XIRP2: variants seen among roughly 807,000 people sequenced by gnomAD.
XIRP2 encodes the protein xin actin-binding repeat-containing protein 2.
Under a neutral mutation model 277.0 loss-of-function variants are expected in XIRP2, and 236 were observed. That is an observed-to-expected ratio of 0.85 (90% CI 0.77 to 0.95). XIRP2 has a LOEUF of 0.95. Ranked by LOEUF, XIRP2 falls within the 40% of genes least tolerant of loss-of-function variation. The pLI is 0.00. For missense variants in XIRP2, 4,640 were observed against 4,157.5 expected, an observed-to-expected ratio of 1.12 and a Z score of -3.19; for synonymous variants, 1,490 against 1,416.5, an observed-to-expected ratio of 1.05 and a Z score of -1.17.
intron 2 of XIRP2, among the ~76,000 whole-genome samples, chr2:166,988,673 G>A (rs2105443177): frequency 9.0e-6 from 1 of 110,882 alleles, no homozygotes; most frequent in South Asian, 3.6e-4. Context: ...GGGTCAGGGA[G>A]TTCCCTTTCC....
chr2:166,907,699 G>A (rs1275569303), intron 2 of XIRP2, among the ~76,000 whole-genome samples: 1 of 151,032 alleles, frequency 6.6e-6, no homozygotes, highest in Non-Finnish European at 1.5e-5. Context: ...GTGCCGTGTT[G>A]GTGTGCTGCA....
At chr2:167,050,512 A>C (rs1688888789) in intron 2 of XIRP2, among the ~76,000 whole-genome samples, 1 of 152,006 alleles carries the variant, frequency 6.6e-6, no homozygotes, top group Non-Finnish European at 1.5e-5. Context: ...AATCAGGGCT[A>C]TTTTGGCATA....
Position 167,132,511 on chromosome 2 carries a change from T to TACACACACACACACACACACAC in XIRP2, c.409-3381_409-3360dup, listed in dbSNP as rs35636231. Among the ~76,000 whole-genome samples the TACACACACACACACACACACAC allele has an allele frequency of 1.7e-4, 25 of 146,328 alleles. 1 individual carries two copies. Among genetic ancestry groups the TACACACACACACACACACACAC allele is most frequent in the African/African-American group, 3.0e-4 (12 of 39,780 alleles). ...TGATTATGTCATGTGTGCATGTGTA[T>TACACACACACACACACACACAC]ACACACACACACACACACACACACA... On this transcript the variant is annotated intron_variant, in intron 2 of 10. Coordinates refer to ENST00000409195, the MANE Select transcript of XIRP2 (RefSeq NM_152381.6).
intron 3 of XIRP2, among the ~76,000 whole-genome samples, chr2:167,149,475 A>G (rs1431716984): frequency 6.6e-6 from 1 of 152,168 alleles, no homozygotes; most frequent in African/African-American, 2.4e-5. Context: ...TGAACTCTGC[A>G]TACTCTGGGC....
chr2:167,082,498 C>T lies in XIRP2; in HGVS notation c.409-53411C>T, dbSNP rs1274485429. 4.6e-5 allele frequency among the ~76,000 whole-genome samples: 7 copies of T among 151,994 alleles called. No homozygotes were observed. The South Asian group carries it at 6.2e-4, about 14-fold the overall frequency. On this transcript the variant is annotated intron_variant, in intron 2 of 10. Coordinates refer to ENST00000409195, the MANE Select transcript of XIRP2 (RefSeq NM_152381.6). ...GCTGGGTCAAATGGTATTTCTAGTT[C>T]TAGATCCCTGAGGAATCGCCACACT...
intron 2 of XIRP2, among the ~76,000 whole-genome samples, chr2:167,084,392 C>G (rs1477448261): frequency 6.6e-6 from 1 of 151,690 alleles, no homozygotes; most frequent in Non-Finnish European, 1.5e-5. Context: ...GGATATTGGT[C>G]TAAAATTCTC....
intron 2 of XIRP2, among the ~76,000 whole-genome samples, chr2:167,111,164 A>C (rs955848128): frequency 1.3e-5 from 2 of 151,988 alleles, no homozygotes; most frequent in African/African-American, 4.8e-5. Flanking sequence ...GATGCCTTTT[A>C]TTTCTTTCTC....
intron 3 of XIRP2, among the ~76,000 whole-genome samples, chr2:167,201,178 AAGAG>A (rs1179558333): frequency 2.3e-5 from 3 of 128,156 alleles, no homozygotes; most frequent in South Asian, 2.6e-4. Context: ...GAGAGAAAGA[AAGAG>A]AGAGAGAGAA....
chr2:167,224,957 T>A (rs747731119), intron 5 of XIRP2, among the ~76,000 whole-genome samples: 2 of 152,198 alleles, frequency 1.3e-5, no homozygotes, highest in African/African-American at 2.4e-5. Context: ...GCATATGTCA[T>A]TGTGGAGTAA....
At chr2:166,930,627 A>C (rs1438105038) in intron 2 of XIRP2, among the ~76,000 whole-genome samples, 1 of 152,182 alleles carries the variant, frequency 6.6e-6, no homozygotes, top group African/African-American at 2.4e-5. Flanking sequence ...TGAAATTGAA[A>C]TATAAAAAAA....
chr2:167,187,274 G>A, intron 3 of XIRP2: 8 of 985,234 alleles, frequency 8.1e-6, no homozygotes, highest in Non-Finnish European at 9.6e-6. Flanking sequence ...GTTGACTCAG[G>A]CCCCACCTAT....
In XIRP2 at chr2:167,041,240, G is replaced by C. The variant is rs555131540; in HGVS notation, c.409-94669G>C. ...CATATATGAGAAAGAACCAGTTCAAGAACCCTGGAAATTGTAAAACCTAGA... is the reference window on the plus strand; with the variant it reads ...CATATATGAGAAAGAACCAGTTCAACAACCCTGGAAATTGTAAAACCTAGA... On this transcript the variant is annotated intron_variant, in intron 2 of 10. Transcript: ENST00000409195. 4.6e-5 allele frequency among the ~76,000 whole-genome samples: 7 copies of C among 152,268 alleles called. No homozygotes were observed. In the East Asian group the frequency reaches 1.2e-3, roughly 25 times the overall value.
At position 167,248,251 on chromosome 2, in the gene XIRP2, T is replaced by G; in HGVS notation, c.6859T>G (p.Cys2287Gly). The G allele has an allele frequency of 6.2e-7, 1 of 1,611,596 alleles. No individual in the cohort carries two copies. Among genetic ancestry groups the G allele is most frequent in the Non-Finnish European group, 8.5e-7 (1 of 1,179,000 alleles). ...TGAGAATAATGTAAAAGAAAGTGAG[T>G]GCCCCCTTCCACCTCCATCTCCACC... ...NPENNVKESE[C>G]PLPPPSPPPP... The change falls in exon 9 of 11, where the codon TGC (cysteine) becomes GGC (glycine). Residue 2287 changes from cysteine to glycine, a missense_variant. Physicochemically the swap from Cys to Gly is radical, Grantham distance 159. Coordinates refer to ENST00000409195, the MANE Select transcript of XIRP2 (RefSeq NM_152381.6).
At chr2:167,131,319 A>G (rs542937248) in intron 2 of XIRP2, among the ~76,000 whole-genome samples, 5 of 152,136 alleles carry the variant, frequency 3.3e-5, no homozygotes, top group Admixed American at 1.3e-4. Flanking sequence ...CAGCACCTCT[A>G]TCTCATTAAA....
At chr2:167,122,723 TTC>T (rs1372166188) in intron 2 of XIRP2, among the ~76,000 whole-genome samples, 1 of 152,222 alleles carries the variant, frequency 6.6e-6, no homozygotes, top group Non-Finnish European at 1.5e-5. Context: ...TGAGAAAATA[TTC>T]TGTTATCAAA....
chr2:167,251,407 G>A lies in XIRP2; in HGVS notation c.10015G>A (p.Glu3339Lys). The A allele has an allele frequency of 6.2e-7, 1 of 1,613,624 alleles. No homozygotes were observed. The highest frequency in any genetic ancestry group is 1.1e-5 in the South Asian group (1 of 91,078). ...AAATGAAATAAACAGATGGTTCAGG[G>A]AATTTGAGCATGGCCCAGTTTCTGA... The part of the protein sequence containing the change: ...PENEINRWFR[E>K]FEHGPVSEAK... The change falls in exon 9 of 11, where the codon GAA (glutamate) becomes AAA (lysine). Residue 3339 changes from glutamate to lysine, a missense_variant. Glu to Lys is a moderately conservative substitution (Grantham distance 56). Coordinates refer to ENST00000409195, the MANE Select transcript of XIRP2 (RefSeq NM_152381.6).
Position 167,073,580 on chromosome 2 carries a change from C to T in XIRP2, c.409-62329C>T, listed in dbSNP as rs945048471. On this transcript the variant is annotated intron_variant, in intron 2 of 10. Coordinates refer to ENST00000409195, the MANE Select transcript of XIRP2 (RefSeq NM_152381.6). ...TCATTATATTCATTATTTAGTTTCT[C>T]ATTAAGATTCAGTCCTTCCTTTCTA... is the stretch of plus-strand genomic sequence containing the variant. Among the ~76,000 whole-genome samples, 6 of 151,998 alleles carry T rather than the reference C, an allele frequency of 3.9e-5. 1 individual carries two copies. Among genetic ancestry groups the T allele is most frequent in the Admixed American group, 3.9e-4 (6 of 15,262 alleles).
intron 2 of XIRP2, among the ~76,000 whole-genome samples, chr2:167,104,135 G>T (rs1690554917): frequency 6.6e-6 from 1 of 152,210 alleles, no homozygotes; most frequent in South Asian, 2.1e-4. Flanking sequence ...TCCTTAAGAA[G>T]AAATTATTGT....
At chr2:166,892,281 T>C (rs1020910222) in intron 1 of XIRP2, among the ~76,000 whole-genome samples, 1 of 152,098 alleles carries the variant, frequency 6.6e-6, no homozygotes, top group African/African-American at 2.4e-5. Context: ...CTGAAAAAAA[T>C]ATTTAAAGTC....
Sources: allele counts gnomAD v4.1 joint callset (sites outside exome capture counted in the v4.1 genomes callset), GRCh38; gene constraint gnomAD v4.1.1; transcripts MANE v1.5; gene names NCBI Gene and HGNC (gene_info 2026-07-23, HGNC 2026-07-21).